The following PARD3B variants were observed in gnomAD, a reference collection of about 807,000 sequenced individuals.
PARD3B encodes the protein par-3 family cell polarity regulator beta.
Under a neutral mutation model 130.2 loss-of-function variants are expected in PARD3B, and 103 were observed. The observed-to-expected ratio is 0.79, with a 90% CI of 0.67 to 0.93. The LOEUF (loss-of-function observed/expected upper bound fraction) is 0.93, where lower values mean the gene tolerates loss of function less well. Ranked by LOEUF, PARD3B falls within the 40% of genes least tolerant of loss-of-function variation. The probability of loss-of-function intolerance (pLI) is 0.00; values close to 1 mark genes in which losing one functional copy is unlikely to be tolerated. For synonymous variants in PARD3B, 583 were observed against 553.2 expected (o/e 1.05, Z -0.76); for missense variants, 1,609 against 1,499.2 (o/e 1.07, Z -1.21).
rs556571296 is a variant in PARD3B, at chr2:205,555,061, G to A, written c.3260+1658G>A. ...AATTTGTTTTACATATAAGATTTCC[G>A]GCTTTCACTGTTGAAGTATATGGAA... On this transcript the variant is annotated intron_variant, in intron 22 of 22. Transcript: ENST00000406610. Among the ~76,000 whole-genome samples the A allele has an allele frequency of 3.9e-5, 6 of 152,214 alleles. No individual in the cohort carries two copies. In the East Asian group the frequency reaches 9.7e-4, roughly 25 times the overall value.
chr2:205,141,679 T>C (rs554763260), intron 10 of PARD3B, among the ~76,000 whole-genome samples: 1 of 152,344 alleles, frequency 6.6e-6, no homozygotes, highest in East Asian at 1.9e-4. Context: ...TGCTTAGCAC[T>C]ATTATGGCAA....
intron 7 of PARD3B, among the ~76,000 whole-genome samples, chr2:205,120,270 G>A (rs1001497521): frequency 6.6e-6 from 1 of 152,076 alleles, no homozygotes; most frequent in African/African-American, 2.4e-5. Flanking sequence ...TTATAGAGGT[G>A]GAAACTGAGG....
At chr2:205,282,985 T>G (rs1279583838) in intron 16 of PARD3B, among the ~76,000 whole-genome samples, 1 of 152,212 alleles carries the variant, frequency 6.6e-6, no homozygotes, top group East Asian at 1.9e-4. Context: ...CCTGATTGGC[T>G]GAGGCAGGTG....
intron 2 of PARD3B, among the ~76,000 whole-genome samples, chr2:204,853,217 T>C (rs1258610685): frequency 6.6e-6 from 1 of 152,202 alleles, no homozygotes; most frequent in Non-Finnish European, 1.5e-5. Flanking sequence ...CCATAGGAAC[T>C]ATTAAGTTAT....
intron 4 of PARD3B, among the ~76,000 whole-genome samples, chr2:205,054,436 A>ATATATATATTT (rs1411271901): frequency 1.1e-4 from 3 of 28,438 alleles, no homozygotes; most frequent in African/African-American, 4.5e-4. Flanking sequence ...ATATATATAT[A>ATATATATATTT]TTTTTTTTTT....
chr2:205,277,611 TAGAAAG>T (rs1212075965), intron 16 of PARD3B, among the ~76,000 whole-genome samples: 11 of 152,228 alleles, frequency 7.2e-5, no homozygotes, highest in African/African-American at 2.4e-4. Context: ...AACAGAATCT[TAGAAAG>T]AGAGACGGCA....
intron 18 of PARD3B, 48 bp from the exon 19 acceptor site, chr2:205,400,965 A>T (rs962972542): frequency 7.1e-7 from 1 of 1,400,942 alleles, no homozygotes; most frequent in African/African-American, 1.4e-5. Context: ...CTCTACCGCA[A>T]AAACAATGTG....
At chr2:204,644,620 T>A (rs1369884753) in intron 1 of PARD3B, among the ~76,000 whole-genome samples, 1 of 152,076 alleles carries the variant, frequency 6.6e-6, no homozygotes, top group Non-Finnish European at 1.5e-5. Context: ...ATATTTTAAT[T>A]GGATATTAAT....
At chr2:204,599,820 C>T (rs537472637) in intron 1 of PARD3B, among the ~76,000 whole-genome samples, 1 of 151,956 alleles carries the variant, frequency 6.6e-6, no homozygotes, top group African/African-American at 2.4e-5. Context: ...TATAAGTGTT[C>T]CTGTTTCTCT....
At chr2:205,504,170 T>C (rs1331488855) in intron 21 of PARD3B, among the ~76,000 whole-genome samples, 1 of 152,196 alleles carries the variant, frequency 6.6e-6, no homozygotes, top group Admixed American at 6.5e-5. Flanking sequence ...TAAATGGTGC[T>C]GGGAAAACTG....
intron 1 of PARD3B, among the ~76,000 whole-genome samples, chr2:204,667,536 T>A (rs776217104): frequency 6.6e-6 from 1 of 152,138 alleles, no homozygotes; most frequent in Non-Finnish European, 1.5e-5. Flanking sequence ...CATCTCACAT[T>A]CAATTAAGGC....
chr2:205,343,992 C>A (rs1354724800), intron 18 of PARD3B, among the ~76,000 whole-genome samples: 1 of 152,100 alleles, frequency 6.6e-6, no homozygotes, highest in Admixed American at 6.5e-5. Flanking sequence ...GGAAGAGTAT[C>A]GTCAACAGCA....
chr2:205,172,605 T>C (rs1355185638), intron 12 of PARD3B, among the ~76,000 whole-genome samples: 1 of 152,222 alleles, frequency 6.6e-6, no homozygotes, highest in African/African-American at 2.4e-5. Context: ...AATTTCTAGT[T>C]TTTTCCCCCA....
At chr2:205,582,710 G>A (rs2054036101) in intron 22 of PARD3B, among the ~76,000 whole-genome samples, 1 of 151,448 alleles carries the variant, frequency 6.6e-6, no homozygotes, top group East Asian at 1.9e-4. Flanking sequence ...GAGTGAGAGA[G>A]GCAGGGAAAG....
intron 22 of PARD3B, among the ~76,000 whole-genome samples, chr2:205,574,218 T>C (rs961117606): frequency 1.3e-5 from 2 of 152,164 alleles, no homozygotes; most frequent in African/African-American, 4.8e-5. Context: ...TTCAGGAATG[T>C]GAAAAGCATA....
intron 13 of PARD3B, among the ~76,000 whole-genome samples, chr2:205,180,153 A>T (rs1461904465): frequency 6.6e-6 from 1 of 151,416 alleles, no homozygotes; most frequent in Admixed American, 6.6e-5. Flanking sequence ...TCAAAAGTAG[A>T]GAAAATCTAT....
At chr2:204,780,862 T>G (rs897724968) in intron 2 of PARD3B, among the ~76,000 whole-genome samples, 4 of 151,886 alleles carry the variant, frequency 2.6e-5, no homozygotes, top group African/African-American at 9.7e-5. Flanking sequence ...TTCTGAGAAG[T>G]TCCATCTGAG....
At chr2:204,858,586 G>A (rs1444953751) in intron 2 of PARD3B, among the ~76,000 whole-genome samples, 1 of 150,864 alleles carries the variant, frequency 6.6e-6, no homozygotes, top group Non-Finnish European at 1.5e-5. Flanking sequence ...AATAGATTTA[G>A]GTCAAAGGAT....
At chr2:205,113,452 G>C in intron 5 of PARD3B, 39 bp from the exon 6 acceptor site, 1 of 1,392,818 alleles carries the variant, frequency 7.2e-7, no homozygotes, top group Non-Finnish European at 1.0e-6. Context: ...CTGTTTTTTA[G>C]CAGACACTCA....
Sources: allele counts gnomAD v4.1 joint callset (sites outside exome capture counted in the v4.1 genomes callset), GRCh38; gene constraint gnomAD v4.1.1; transcripts MANE v1.5; gene names NCBI Gene and HGNC (gene_info 2026-07-23, HGNC 2026-07-21).